FBXW11: variants seen among roughly 807,000 people sequenced by gnomAD.
FBXW11 encodes the protein F-box and WD repeat domain containing 11, also known as F-box/WD repeat-containing protein 11.
A neutral mutation model predicts 77.6 loss-of-function variants in FBXW11; 19 were observed. The observed-to-expected ratio is 0.24, with a 90% CI of 0.17 to 0.36. The LOEUF (loss-of-function observed/expected upper bound fraction) is 0.36, where lower values mean the gene tolerates loss of function less well. Among genes scored for constraint, FBXW11 ranks in the 10% least tolerant of loss-of-function variants. The probability of loss-of-function intolerance (pLI) is 1.00; values close to 1 mark genes in which losing one functional copy is unlikely to be tolerated. For synonymous variants in FBXW11, 235 were observed against 249.4 expected, an observed-to-expected ratio of 0.94 and a Z score of 0.54; for missense variants, 334 against 704.2, an observed-to-expected ratio of 0.47 and a Z score of 5.95.
intron 2 of FBXW11, among the ~76,000 whole-genome samples, chr5:171,947,642 C>A (rs988622220): frequency 1.3e-4 from 20 of 151,998 alleles, no homozygotes; most frequent in African/African-American, 4.6e-4. Flanking sequence ...AGTTTAATGA[C>A]CTTAATGTCC....
chr5:171,899,790 C>G, intron 5 of FBXW11, 124 bp downstream of exon 5: 1 of 839,760 alleles, frequency 1.2e-6, no homozygotes, highest in Non-Finnish European at 1.8e-6. Flanking sequence ...CTTTTGACCA[C>G]TCATTTTCCC....
intron 1 of FBXW11, among the ~76,000 whole-genome samples, chr5:171,991,050 TC>T (rs1283496916): frequency 1.3e-5 from 2 of 152,144 alleles, no homozygotes; most frequent in African/African-American, 2.4e-5. Flanking sequence ...GGTCTTGAAC[TC>T]CTAACCTCAG....
chr5:171,947,257 A>T (rs1253176601), intron 2 of FBXW11, among the ~76,000 whole-genome samples: 1 of 152,246 alleles, frequency 6.6e-6, no homozygotes. Flanking sequence ...TGAAGAAAAA[A>T]CAAAAGAGTG....
At chr5:171,901,303 T>C (rs1026423030) in intron 4 of FBXW11, among the ~76,000 whole-genome samples, 1 of 152,216 alleles carries the variant, frequency 6.6e-6, no homozygotes, top group African/African-American at 2.4e-5. Flanking sequence ...GCACTAAACT[T>C]GGTTGTTGAA....
intron 1 of FBXW11, among the ~76,000 whole-genome samples, chr5:171,972,717 G>T (rs1174428203): frequency 6.6e-6 from 1 of 151,752 alleles, no homozygotes; most frequent in African/African-American, 2.4e-5. Flanking sequence ...GCTAATTTTT[G>T]TATTTTTAGT....
intron 2 of FBXW11, among the ~76,000 whole-genome samples, chr5:171,919,784 G>C (rs1761470792): frequency 6.6e-6 from 1 of 152,148 alleles, no homozygotes; most frequent in African/African-American, 2.4e-5. Flanking sequence ...TTCCCAGTTA[G>C]ACTGCATATA....
rs1758101347 is a variant in FBXW11 at position 171,876,622 on chromosome 5, G to T, written c.972-88C>A. On this transcript the variant is annotated intron_variant, in intron 8 of 13. Coordinates refer to ENST00000517395, the MANE Select transcript of FBXW11 (RefSeq NM_001378974.1). This position sits in a 1 kb window ranked among gnomAD's most constrained non-coding sequence, Gnocchi z 4.2. ...TCTGAGCTCTGTCTGGGTCTGCAAT[G>T]GTTTGGATATAGTTTGTCTGACTCT... 6.6e-7 allele frequency: 1 copy of T among 1,504,732 alleles called. No homozygotes were observed. The allele number at this position is 1,504,732 out of a possible 1,614,324, so 93.2% of individuals were successfully genotyped here.
At chr5:171,951,653 G>A (rs1275801995) in intron 2 of FBXW11, among the ~76,000 whole-genome samples, 1 of 152,118 alleles carries the variant, frequency 6.6e-6, no homozygotes, top group Non-Finnish European at 1.5e-5. Context: ...ACCATACCTG[G>A]CTAATTTTTG....
In FBXW11 at chr5:171,974,095, G is replaced by T. The variant is rs887601704; in HGVS notation, c.46-16397C>A. 3.3e-5 allele frequency among the ~76,000 whole-genome samples: 5 copies of T among 152,202 alleles called. No homozygotes were observed. The East Asian group carries it at 9.6e-4, about 29-fold the overall frequency. On this transcript the variant is annotated intron_variant, in intron 1 of 13. Coordinates refer to ENST00000517395, the MANE Select transcript of FBXW11 (RefSeq NM_001378974.1). The stretch of plus-strand genomic sequence containing the variant: ...AAGATGATTTTTGGTGGTACATGAA[G>T]ATTCTTTTAATGTTTCATAGCTACA...
chr5:171,961,204 T>C lies in FBXW11; in HGVS notation c.46-3506A>G, dbSNP rs950675172. Among the ~76,000 whole-genome samples, 27 of 152,194 alleles carry C rather than the reference T, an allele frequency of 1.8e-4. 1 individual carries two copies. Among genetic ancestry groups the C allele is most frequent in the Non-Finnish European group, 8.8e-5 (6 of 68,030 alleles). On this transcript the variant is annotated intron_variant, in intron 1 of 13. Transcript: ENST00000517395. ...CAAGAGTACTCTTCACTGAGACAGC[T>C]TGATCCTAGGCAGCACCCAAGCTGG...
intron 6 of FBXW11, among the ~76,000 whole-genome samples, chr5:171,893,292 G>A (rs1240318145): frequency 6.6e-6 from 1 of 151,698 alleles, no homozygotes; most frequent in African/African-American, 2.4e-5. Flanking sequence ...ACAAGGAGGT[G>A]CCATGGAGAT....
chr5:171,976,081 GGAA>G (rs1764814039), intron 1 of FBXW11, among the ~76,000 whole-genome samples: 1 of 152,138 alleles, frequency 6.6e-6, no homozygotes, highest in Non-Finnish European at 1.5e-5. Flanking sequence ...GAGGAAGGGA[GGAA>G]GAAGGAGGGG....
intron 2 of FBXW11, among the ~76,000 whole-genome samples, chr5:171,936,769 G>C (rs954129632): frequency 6.6e-6 from 1 of 151,966 alleles, no homozygotes; most frequent in Non-Finnish European, 1.5e-5. Flanking sequence ...ATGATAACCT[G>C]TTTACACAGA....
intron 2 of FBXW11, among the ~76,000 whole-genome samples, chr5:171,944,491 C>T (rs148441535): frequency 0.061 from 8,814 of 143,516 alleles, 404 homozygotes; most frequent in Non-Finnish European, 0.093. Context: ...AGGAGAATGG[C>T]GTGAACCCCG....
At chr5:171,988,036 G>T (rs547940454) in intron 1 of FBXW11, among the ~76,000 whole-genome samples, 1 of 152,122 alleles carries the variant, frequency 6.6e-6, no homozygotes, top group Non-Finnish European at 1.5e-5. Flanking sequence ...CCATGATACC[G>T]ACAAGGTCCC....
chr5:171,963,874 T>C (rs1205828244), intron 1 of FBXW11, among the ~76,000 whole-genome samples: 1 of 152,102 alleles, frequency 6.6e-6, no homozygotes, highest in African/African-American at 2.4e-5. Context: ...TGTAAGCAGA[T>C]AGTACAAAAA....
At chr5:171,976,589 G>A (rs1297412804) in intron 1 of FBXW11, among the ~76,000 whole-genome samples, 1 of 152,130 alleles carries the variant, frequency 6.6e-6, no homozygotes, top group African/African-American at 2.4e-5. Flanking sequence ...ATGGATTAAT[G>A]CCAATTATAA....
chr5:171,867,645 G>A (rs944798102), intron 13 of FBXW11: 1 of 152,014 alleles, frequency 6.6e-6, no homozygotes, highest in African/African-American at 2.4e-5. Context: ...TTAGTGAATA[G>A]GTACCAAGAG....
chr5:171,976,874 C>T (rs1021982076), intron 1 of FBXW11, among the ~76,000 whole-genome samples: 1 of 151,878 alleles, frequency 6.6e-6, no homozygotes, highest in African/African-American at 2.4e-5. Flanking sequence ...CAGTGAAATC[C>T]CATCTCTACT....
Sources: gnomAD v4.1 joint callset for allele counts (sites outside exome capture counted in the v4.1 genomes callset) on GRCh38, gnomAD v4.1.1 for gene constraint, Gnocchi (gnomAD v3.1) non-coding constraint, MANE v1.5 for transcripts, NCBI Gene and HGNC (gene_info 2026-07-23, HGNC 2026-07-21) for gene names.